ACTR2: variants seen among roughly 807,000 people sequenced by gnomAD.
ACTR2 encodes actin related protein 2, also known as actin-related protein 2.
Under a neutral mutation model 50.2 loss-of-function variants are expected in ACTR2, and 5 were observed. That is an observed-to-expected ratio of 0.10 (90% CI 0.05 to 0.21). The LOEUF is 0.21. ACTR2 is among the 10% of genes least tolerant of loss of function. The pLI is 1.00. For missense variants in ACTR2, 180 were observed against 480.6 expected, an observed-to-expected ratio of 0.37 and a Z score of 5.85; for synonymous variants, 140 against 162.9, an observed-to-expected ratio of 0.86 and a Z score of 1.07.
In ACTR2 at chr2:65,268,762, G is replaced by T. The variant is rs368001778; in HGVS notation, c.*28G>T. 2 of 1,596,626 alleles carry T rather than the reference G, an allele frequency of 1.3e-6. No homozygotes were observed. Among genetic ancestry groups the T allele is most frequent in the Non-Finnish European group, 1.7e-6 (2 of 1,171,640 alleles). On this transcript the variant is annotated 3_prime_UTR_variant, in exon 9 of 9. Coordinates refer to ENST00000260641, the MANE Select transcript of ACTR2 (RefSeq NM_005722.4). The stretch of plus-strand genomic sequence containing the variant: ...TCCAAAGCTTGTTCCCGTCATACCC[G>T]TAATGCTTTCTTTTTTCCTTTATTG...
At position 65,253,924 on chromosome 2, in the gene ACTR2, C is replaced by G; in HGVS notation, c.585+60C>G. 2.1e-6 allele frequency: 3 copies of G among 1,443,730 alleles called. No homozygotes were observed. In the South Asian group the frequency reaches 3.6e-5, roughly 17 times the overall value. The allele number at this position is 1,443,730 out of a possible 1,614,324, so 89.4% of individuals were successfully genotyped here. On this transcript the variant is annotated intron_variant, in intron 5 of 8. Coordinates refer to ENST00000260641, the MANE Select transcript of ACTR2 (RefSeq NM_005722.4). ...TTGTAATTTGTTTACCACCTTAACA[C>G]AGAATTGAATCTATCGTTTTAGGAT...
chr2:65,253,915 A>G (rs373133141), intron 5 of ACTR2, 51 bp downstream of exon 5: 141 of 1,497,696 alleles, frequency 9.4e-5, no homozygotes, highest in Admixed American at 1.8e-4. Flanking sequence ...TTTGTTTACC[A>G]CCTTAACACA....
Position 65,227,965 on chromosome 2 carries a change from C to T in ACTR2, c.48+8C>T. 1.3e-6 allele frequency: 2 copies of T among 1,505,180 alleles called. No individual in the cohort carries two copies. The highest frequency in any genetic ancestry group is 1.3e-5 in the South Asian group (1 of 79,860). 93.2% of individuals were successfully genotyped at this position (1,505,180 alleles called of 1,614,324 possible). A position where few individuals can be genotyped will look rare whatever the true frequency, so the allele number is the denominator to read the frequency against. On this transcript the variant is annotated splice_region_variant and intron_variant, in intron 1 of 8. Coordinates refer to ENST00000260641, the MANE Select transcript of ACTR2 (RefSeq NM_005722.4). ...TGCGACAACGGCACCGGGGTAAGGG[C>T]CGCGCGAGGAGGCCTTGGCGGCCAC...
At chr2:65,231,051 C>CAA (rs780231120) in intron 1 of ACTR2, among the ~76,000 whole-genome samples, 11 of 96,920 alleles carry the variant, frequency 1.1e-4, no homozygotes, top group Admixed American at 5.5e-4. Flanking sequence ...GAGACTGTCA[C>CAA]AAAAAAAAAA....
chr2:65,251,950 TA>T (rs1672060963), intron 4 of ACTR2, among the ~76,000 whole-genome samples: 1 of 151,886 alleles, frequency 6.6e-6, no homozygotes, highest in Non-Finnish European at 1.5e-5. Flanking sequence ...TATGGTCTTA[TA>T]AATTCAACAG....
At chr2:65,231,205 T>G (rs577694455) in intron 1 of ACTR2, among the ~76,000 whole-genome samples, 1 of 152,220 alleles carries the variant, frequency 6.6e-6, no homozygotes, top group Non-Finnish European at 1.5e-5. Context: ...TCTGTTCTTA[T>G]GCTTCTAGTT....
chr2:65,265,959 TG>T (rs1672365253), intron 8 of ACTR2, among the ~76,000 whole-genome samples: 2 of 152,218 alleles, frequency 1.3e-5, no homozygotes, highest in South Asian at 4.1e-4. Flanking sequence ...AAATTGAGTA[TG>T]GGCTCACATA....
In ACTR2 at chr2:65,227,894, C is replaced by G; in HGVS notation, c.-16C>G. 1 of 1,513,340 alleles carries G rather than the reference C, an allele frequency of 6.6e-7. No individual in the cohort carries two copies. The highest frequency in any genetic ancestry group is 8.8e-7 in the Non-Finnish European group (1 of 1,130,772). 93.7% of individuals were successfully genotyped at this position (1,513,340 alleles called of 1,614,324 possible). On this transcript the variant is annotated 5_prime_UTR_variant, in exon 1 of 9. Coordinates refer to ENST00000260641, the MANE Select transcript of ACTR2 (RefSeq NM_005722.4). ...TGTAGGTTGTGCGGCTGCAGCGGCT[C>G]TTCCCTGGGCGGACGATGGACAGCC...
chr2:65,246,286 T>G, intron 2 of ACTR2: 1 of 321,816 alleles, frequency 3.1e-6, no homozygotes, highest in East Asian at 6.1e-5. Context: ...ATGCTCTTCT[T>G]TTGGAAACAT....
intron 6 of ACTR2, among the ~76,000 whole-genome samples, chr2:65,258,202 A>T (rs1672188659): frequency 6.6e-6 from 1 of 152,224 alleles, no homozygotes; most frequent in Non-Finnish European, 1.5e-5. Flanking sequence ...AGGGCAAAAG[A>T]TAAGCAAACT....
rs114575797 is a variant in ACTR2 at position 65,237,425 on chromosome 2, C to A, written c.49-2427C>A. 3.6e-3 allele frequency among the ~76,000 whole-genome samples: 550 copies of A among 151,826 alleles called. 4 individuals carry two copies. Among genetic ancestry groups the A allele is most frequent in the African/African-American group, 0.012 (504 of 41,418 alleles). On this transcript the variant is annotated intron_variant, in intron 1 of 8. Transcript: ENST00000260641. ...TTTTTAAATTTTTTGTAATTTTTTC[C>A]GGGGGGGAATCTTGCCGTGTTGCCC...
chr2:65,231,782 C>T (rs535438100), intron 1 of ACTR2, among the ~76,000 whole-genome samples: 8 of 152,310 alleles, frequency 5.3e-5, no homozygotes, highest in South Asian at 2.1e-4. Flanking sequence ...CTTTTGGCTT[C>T]CCTGGGCCAC....
intron 1 of ACTR2, among the ~76,000 whole-genome samples, chr2:65,235,068 A>T (rs1406780289): frequency 3.9e-5 from 6 of 152,100 alleles, no homozygotes; most frequent in Non-Finnish European, 8.8e-5. Context: ...AGGGATAATG[A>T]TGAGAACAGA....
At chr2:65,263,947 C>T (rs1006381464) in intron 7 of ACTR2, among the ~76,000 whole-genome samples, 1 of 151,930 alleles carries the variant, frequency 6.6e-6, no homozygotes, top group African/African-American at 2.4e-5. Flanking sequence ...CCCAGCTACT[C>T]GGGAGGCTGA....
At chr2:65,253,233 A>T (rs1410790778) in intron 4 of ACTR2, among the ~76,000 whole-genome samples, 1 of 152,174 alleles carries the variant, frequency 6.6e-6, no homozygotes, top group Admixed American at 6.5e-5. Context: ...TGAGGCCAGG[A>T]GTTCGAGACC....
Position 65,251,926 on chromosome 2 carries a change from C to A in ACTR2, c.448+827C>A, listed in dbSNP as rs764411310. 7.1e-4 allele frequency among the ~76,000 whole-genome samples: 107 copies of A among 151,410 alleles called. 1 individual carries two copies. In the South Asian group the frequency reaches 0.02, roughly 28 times the overall value. On this transcript the variant is annotated intron_variant, in intron 4 of 8. Coordinates refer to ENST00000260641, the MANE Select transcript of ACTR2 (RefSeq NM_005722.4). ...TAAAATATTGGCCACGTTGGGAGAG[C>A]TCTTTTTTTTTTTTATGGTCTTATA...
rs74681985 is a variant in ACTR2 at position 65,253,097 on chromosome 2, T to C, written c.449-631T>C. On this transcript the variant is annotated intron_variant, in intron 4 of 8. Transcript: ENST00000260641. ...CACACAGTATATGTTATTTGTAGTA[T>C]ATTCAAAACTATCTAAGTTGAAAAA... Among the ~76,000 whole-genome samples the C allele has an allele frequency of 2.5e-3, 375 of 152,284 alleles. 1 individual carries two copies. Among genetic ancestry groups the C allele is most frequent in the Non-Finnish European group, 4.1e-3 (280 of 68,036 alleles).
intron 2 of ACTR2, chr2:65,241,888 A>T (rs1671846152): frequency 1.4e-6 from 1 of 736,720 alleles, no homozygotes; most frequent in South Asian, 3.3e-5. Flanking sequence ...ATTTGGCCCT[A>T]ATTATTAACT....
intron 1 of ACTR2, 48 bp from the exon 2 acceptor site, chr2:65,239,804 G>A: frequency 1.8e-6 from 2 of 1,134,188 alleles, no homozygotes; most frequent in East Asian, 2.3e-5. Flanking sequence ...TTAAAATATA[G>A]TAAATATCCT....
Sources: allele counts gnomAD v4.1 joint callset (sites outside exome capture counted in the v4.1 genomes callset), GRCh38; gene constraint gnomAD v4.1.1; transcripts MANE v1.5; gene names NCBI Gene and HGNC (gene_info 2026-07-23, HGNC 2026-07-21).